The following PCDH11X variants were observed in gnomAD, a reference collection of about 807,000 sequenced individuals.
The protein encoded by PCDH11X is protocadherin 11 X-linked.
In PCDH11X, 18 loss-of-function variants were observed where a neutral mutation model predicts 53.3. The ratio of observed to expected loss-of-function variants is 0.34; its 90% confidence interval spans 0.23 to 0.50. The LOEUF is 0.50. Ranked by LOEUF, PCDH11X falls within the 20% of genes least tolerant of loss-of-function variation. The pLI is 0.98. For synonymous variants in PCDH11X, 279 were observed against 393.3 expected (o/e 0.71, Z 3.44); for missense variants, 570 against 1,032.4 (o/e 0.55, Z 6.14).
At chrX:92,188,952 T>C (rs1173782919) in intron 6 of PCDH11X, among the ~76,000 whole-genome samples, 1 of 111,674 alleles carries the variant, frequency 9.0e-6, no homozygotes, top group East Asian at 2.8e-4. Context: ...ATAGTCAAAT[T>C]TGATTAGCAT....
intron 1 of PCDH11X, among the ~76,000 whole-genome samples, chrX:91,799,642 C>T (rs1935863074): frequency 8.9e-6 from 1 of 112,097 alleles, no homozygotes; most frequent in South Asian, 3.7e-4. Flanking sequence ...ATGTATTATT[C>T]AGAGTAGAAC....
intron 7 of PCDH11X, among the ~76,000 whole-genome samples, chrX:92,231,203 G>T (rs2067069604): frequency 9.0e-6 from 1 of 111,267 alleles, no homozygotes; most frequent in African/African-American, 3.3e-5. Context: ...CCTGGTAGAT[G>T]GGAATATTTT....
At chrX:92,454,218 A>T (rs2072863486) in intron 9 of PCDH11X, among the ~76,000 whole-genome samples, 1 of 105,249 alleles carries the variant, frequency 9.5e-6, no homozygotes, top group Non-Finnish European at 1.9e-5. Flanking sequence ...ATACATATTT[A>T]TATATAATCA....
At chrX:91,821,267 A>G (rs1936669958) in intron 4 of PCDH11X, among the ~76,000 whole-genome samples, 1 of 109,839 alleles carries the variant, frequency 9.1e-6, no homozygotes, top group African/African-American at 3.4e-5. Context: ...CTTGGGCAGT[A>G]TGGCCATTTT....
chrX:92,106,115 A>G (rs2064379117), intron 6 of PCDH11X, among the ~76,000 whole-genome samples: 1 of 110,031 alleles, frequency 9.1e-6, no homozygotes, highest in South Asian at 3.8e-4. Flanking sequence ...TTTCACACAT[A>G]TCATTTATCC....
chrX:92,392,953 G>A (rs1295067460), intron 9 of PCDH11X, among the ~76,000 whole-genome samples: 4 of 109,706 alleles, frequency 3.6e-5, no homozygotes, highest in Non-Finnish European at 7.7e-5. Context: ...TTCTGATGTG[G>A]CAGAAAATCA....
At chrX:92,066,976 T>C (rs1186018501) in intron 6 of PCDH11X, among the ~76,000 whole-genome samples, 1 of 111,745 alleles carries the variant, frequency 8.9e-6, no homozygotes, top group Non-Finnish European at 1.9e-5. Context: ...TGGTGGTGCA[T>C]GCCTGTAATT....
intron 5 of PCDH11X, among the ~76,000 whole-genome samples, chrX:91,864,947 T>C: frequency 9.0e-6 from 1 of 111,378 alleles, no homozygotes; most frequent in Non-Finnish European, 1.9e-5. Context: ...TCTTTGAGTT[T>C]CTTCAACACA....
chrX:92,508,570 T>G, intron 10 of PCDH11X, among the ~76,000 whole-genome samples: 1 of 111,123 alleles, frequency 9.0e-6, no homozygotes, highest in East Asian at 2.8e-4. Flanking sequence ...TTTCAAAATT[T>G]ATAATGCTTT....
intron 7 of PCDH11X, among the ~76,000 whole-genome samples, chrX:92,250,677 TG>T (rs1210430041): frequency 9.3e-6 from 1 of 107,226 alleles, no homozygotes; most frequent in Non-Finnish European, 1.9e-5. Flanking sequence ...AAAAAAGGAA[TG>T]AATTACTGAA....
intron 7 of PCDH11X, among the ~76,000 whole-genome samples, chrX:92,258,663 G>A (rs746005454): frequency 1.2e-4 from 13 of 111,800 alleles, no homozygotes; most frequent in African/African-American, 2.3e-4. Context: ...CACTGCATCC[G>A]GCCTAGTTAT....
chrX:91,851,458 T>C (rs1297321798), intron 5 of PCDH11X, among the ~76,000 whole-genome samples: 1 of 111,619 alleles, frequency 9.0e-6, no homozygotes, highest in African/African-American at 3.2e-5. Context: ...TTTTTAGTTG[T>C]TCTTCTTCCA....
chrX:92,453,740 G>T (rs982624993), intron 9 of PCDH11X, among the ~76,000 whole-genome samples: 1 of 110,954 alleles, frequency 9.0e-6, no homozygotes, highest in Non-Finnish European at 1.9e-5. Flanking sequence ...TTGAAATAGC[G>T]TTTAAAATAC....
At chrX:92,140,191 T>C (rs1346312087) in intron 6 of PCDH11X, among the ~76,000 whole-genome samples, 1 of 111,175 alleles carries the variant, frequency 9.0e-6, no homozygotes, top group East Asian at 2.8e-4. Flanking sequence ...CACATGTACA[T>C]GTGAATGTGT....
chrX:91,806,950 G>A (rs1376233832), intron 1 of PCDH11X, among the ~76,000 whole-genome samples: 1 of 111,576 alleles, frequency 9.0e-6, no homozygotes. Flanking sequence ...GCATTCTAAG[G>A]ATCAGGGAAA....
chrX:92,152,564 C>A (rs950951827), intron 6 of PCDH11X, among the ~76,000 whole-genome samples: 2 of 111,387 alleles, frequency 1.8e-5, no homozygotes, highest in African/African-American at 6.5e-5. Context: ...TTTCAAGAGT[C>A]TTTGCTTATT....
intron 6 of PCDH11X, among the ~76,000 whole-genome samples, chrX:91,996,087 C>T (rs908079590): frequency 2.8e-5 from 3 of 106,120 alleles, no homozygotes; most frequent in African/African-American, 3.5e-5. Context: ...GTGATCCGCC[C>T]GCCTTAGCCT....
intron 8 of PCDH11X, among the ~76,000 whole-genome samples, chrX:92,375,591 A>G (rs1450294134): frequency 6.4e-5 from 7 of 109,188 alleles, no homozygotes; most frequent in African/African-American, 2.0e-4. Context: ...TAAAGTGTTT[A>G]CCTGTTTACA....
At chrX:92,449,300 C>A (rs950193882) in intron 9 of PCDH11X, among the ~76,000 whole-genome samples, 1 of 111,885 alleles carries the variant, frequency 8.9e-6, no homozygotes, top group Non-Finnish European at 1.9e-5. Context: ...TGTATAGCAG[C>A]TTCAATCTTC....
Sources: gnomAD v4.1 joint callset for allele counts (sites outside exome capture counted in the v4.1 genomes callset) on GRCh38, gnomAD v4.1.1 for gene constraint, MANE v1.5 for transcripts, NCBI Gene and HGNC (gene_info 2026-07-23, HGNC 2026-07-21) for gene names.